CNTN5: variants seen among roughly 807,000 people sequenced by gnomAD.
CNTN5 encodes contactin-5.
Under a neutral mutation model 129.1 loss-of-function variants are expected in CNTN5, and 77 were observed. The ratio of observed to expected loss-of-function variants is 0.60; its 90% confidence interval spans 0.50 to 0.72. CNTN5 has a LOEUF of 0.72. Ranked by LOEUF, CNTN5 falls within the 30% of genes least tolerant of loss-of-function variation. The pLI, the probability that CNTN5 is intolerant of heterozygous loss-of-function variation, is 0.00. For missense variants in CNTN5, 1,478 were observed against 1,328.8 expected (o/e 1.11, Z -1.75); for synonymous variants, 509 against 465.6 (o/e 1.09, Z -1.20).
At chr11:99,779,306 T>C (rs1182649945) in intron 3 of CNTN5, among the ~76,000 whole-genome samples, 1 of 152,030 alleles carries the variant, frequency 6.6e-6, no homozygotes, top group Non-Finnish European at 1.5e-5. Flanking sequence ...TTTTCTGTAA[T>C]CAGGCTGAAT....
chr11:99,734,598 A>G (rs1009527687), intron 3 of CNTN5, among the ~76,000 whole-genome samples: 1 of 152,202 alleles, frequency 6.6e-6, no homozygotes, highest in Non-Finnish European at 1.5e-5. Context: ...ATTTGCCTCA[A>G]AAACAGACTT....
Position 99,812,520 on chromosome 11 carries a change from T to C in CNTN5, c.56-7024T>C, listed in dbSNP as rs115439043. ...TCAGGCAAGCATAGTTTCAACTGTT[T>C]TCTGTATATTACTTTATTTGATCTT... On this transcript the variant is annotated intron_variant, in intron 3 of 24. Coordinates refer to ENST00000524871, the MANE Select transcript of CNTN5 (RefSeq NM_014361.4). 9.7e-4 allele frequency among the ~76,000 whole-genome samples: 147 copies of C among 152,266 alleles called. 1 individual carries two copies. The highest frequency in any genetic ancestry group is 3.4e-3 in the African/African-American group (142 of 41,568).
intron 2 of CNTN5, among the ~76,000 whole-genome samples, chr11:99,504,260 T>A (rs1322921289): frequency 6.6e-6 from 1 of 152,108 alleles, no homozygotes; most frequent in Non-Finnish European, 1.5e-5. Context: ...GAAATTAAAG[T>A]GGCTGGGCGT....
At chr11:99,413,620 A>AAAAC (rs1555139667) in intron 2 of CNTN5, among the ~76,000 whole-genome samples, 5 of 29,068 alleles carry the variant, frequency 1.7e-4, no homozygotes, top group Admixed American at 1.2e-3. Flanking sequence ...CTCCATCTCA[A>AAAAC]AAAACAAAAC....
chr11:99,984,982 C>T (rs148261549), intron 8 of CNTN5, among the ~76,000 whole-genome samples: 6 of 152,242 alleles, frequency 3.9e-5, no homozygotes, highest in African/African-American at 1.2e-4. Flanking sequence ...CTGGCAGGAG[C>T]GAGCTCCATT....
intron 8 of CNTN5, among the ~76,000 whole-genome samples, chr11:99,980,234 C>T (rs1938247668): frequency 6.6e-6 from 1 of 152,076 alleles, no homozygotes; most frequent in African/African-American, 2.4e-5. Flanking sequence ...CAATTACCAG[C>T]TATATTTTAA....
chr11:99,459,678 G>A (rs940989660), intron 2 of CNTN5, among the ~76,000 whole-genome samples: 2 of 151,976 alleles, frequency 1.3e-5, no homozygotes, highest in Middle Eastern at 3.2e-3. Flanking sequence ...CCTTTGCACA[G>A]AGCAACGAAC....
chr11:100,357,699 T>C lies in CNTN5; in HGVS notation c.*1479T>C, dbSNP rs1252043929. 7.9e-5 allele frequency: 12 copies of C among 151,810 alleles called. No homozygotes were observed. 9.4% of individuals were successfully genotyped at this position (151,810 alleles called of 1,614,324 possible). ...ATATAATTTAAACTTGTTAACTGTA[T>C]TTGCTTCATTAATAACAAGCAAAAT... On this transcript the variant is annotated 3_prime_UTR_variant, in exon 25 of 25. Transcript: ENST00000524871.
intron 13 of CNTN5, among the ~76,000 whole-genome samples, chr11:100,143,489 T>C (rs889939870): frequency 6.6e-5 from 10 of 152,226 alleles, no homozygotes; most frequent in African/African-American, 2.4e-4. Flanking sequence ...AGAACAGATC[T>C]CTTTTTCTCT....
At chr11:100,051,342 ATACTT>A (rs1438278185) in intron 9 of CNTN5, among the ~76,000 whole-genome samples, 1 of 152,060 alleles carries the variant, frequency 6.6e-6, no homozygotes, top group Non-Finnish European at 1.5e-5. Context: ...TAACAAAAGA[ATACTT>A]TAAAAATCAC....
At chr11:100,019,210 T>G (rs1235410465) in intron 9 of CNTN5, among the ~76,000 whole-genome samples, 1 of 151,978 alleles carries the variant, frequency 6.6e-6, no homozygotes, top group Non-Finnish European at 1.5e-5. Context: ...AGCTAAGATA[T>G]ATTTGCCTAA....
At chr11:99,805,327 T>C (rs1325023554) in intron 3 of CNTN5, among the ~76,000 whole-genome samples, 2 of 152,116 alleles carry the variant, frequency 1.3e-5, no homozygotes, top group Non-Finnish European at 2.9e-5. Context: ...AACATCCGGG[T>C]GTTTCACCTA....
intron 9 of CNTN5, among the ~76,000 whole-genome samples, chr11:100,054,171 A>G (rs1370384476): frequency 6.6e-6 from 1 of 151,730 alleles, no homozygotes; most frequent in East Asian, 1.9e-4. Flanking sequence ...GAGTGAGAGC[A>G]GCACAAAAGA....
intron 3 of CNTN5, among the ~76,000 whole-genome samples, chr11:99,732,408 C>T (rs1003136605): frequency 4.4e-5 from 6 of 135,694 alleles, no homozygotes; most frequent in South Asian, 4.6e-4. Flanking sequence ...TAACTGAGTA[C>T]TTGTATAATA....
At chr11:99,410,443 T>C (rs960077614) in intron 2 of CNTN5, among the ~76,000 whole-genome samples, 2 of 152,178 alleles carry the variant, frequency 1.3e-5, no homozygotes, top group Admixed American at 6.5e-5. Flanking sequence ...GCCAGAGCCA[T>C]GAAAGACTGT....
At chr11:99,395,122 C>G (rs556875555) in intron 2 of CNTN5, among the ~76,000 whole-genome samples, 1 of 151,968 alleles carries the variant, frequency 6.6e-6, no homozygotes, top group East Asian at 1.9e-4. Context: ...ACCTCACTGT[C>G]TTCCATAATG....
intron 3 of CNTN5, among the ~76,000 whole-genome samples, chr11:99,783,138 C>CAAA (rs1945377293): frequency 1.8e-5 from 1 of 55,980 alleles, no homozygotes; most frequent in African/African-American, 6.9e-5. Flanking sequence ...AAAAAAACAA[C>CAAA]CCCATCAAAA....
At chr11:99,453,044 C>T (rs984046672) in intron 2 of CNTN5, among the ~76,000 whole-genome samples, 1 of 152,128 alleles carries the variant, frequency 6.6e-6, no homozygotes, top group African/African-American at 2.4e-5. Context: ...CTGTTAGTCA[C>T]TTTGTAAGGC....
intron 3 of CNTN5, among the ~76,000 whole-genome samples, chr11:99,570,696 A>G (rs1361089085): frequency 1.3e-5 from 2 of 152,220 alleles, no homozygotes; most frequent in Non-Finnish European, 2.9e-5. Context: ...ACATTCTTGT[A>G]GAGAAGACAG....
Sources: gnomAD v4.1 joint callset for allele counts (sites outside exome capture counted in the v4.1 genomes callset) on GRCh38, gnomAD v4.1.1 for gene constraint, MANE v1.5 for transcripts, NCBI Gene and HGNC (gene_info 2026-07-23, HGNC 2026-07-21) for gene names.